The following TRAF3IP3 variants were observed in gnomAD, a reference collection of about 807,000 sequenced individuals.
TRAF3IP3 encodes TRAF3-interacting JNK-activating modulator.
Under a neutral mutation model 86.5 loss-of-function variants are expected in TRAF3IP3, and 64 were observed. That is an observed-to-expected ratio of 0.74 (90% CI 0.60 to 0.91). TRAF3IP3 has a LOEUF of 0.91. Among genes scored for constraint, TRAF3IP3 ranks in the 40% least tolerant of loss-of-function variants. The pLI is 0.00. For synonymous variants in TRAF3IP3, 220 were observed against 243.9 expected (o/e 0.90, Z 0.91); for missense variants, 579 against 642.9 (o/e 0.90, Z 1.07).
intron 15 of TRAF3IP3, chr1:209,781,102 A>G (rs1351395753): frequency 4.0e-6 from 1 of 252,630 alleles, no homozygotes; most frequent in Non-Finnish European, 7.7e-6. Flanking sequence ...GTAAAGTCAT[A>G]TAAAAGAACT....
chr1:209,778,957 T>C (rs1356465161), intron 13 of TRAF3IP3: 1 of 280,208 alleles, frequency 3.6e-6, no homozygotes, highest in Non-Finnish European at 6.8e-6. Flanking sequence ...ATCCCAGGGC[T>C]CTTTCCTTGG....
In TRAF3IP3 at chr1:209,777,415, C is replaced by G. The variant is rs669694; in HGVS notation, c.1117C>G (p.Gln373Glu). The G allele has an allele frequency of 0.8, 1,282,933 of 1,613,380 alleles. 510,605 individuals carry two copies. Among genetic ancestry groups the G allele is most frequent in the African/African-American group, 0.87 (65,058 of 74,968 alleles). The change falls in exon 12 of 17, where the codon CAA (glutamine) becomes GAA (glutamate). Residue 373 changes from glutamine (Q) to glutamate (E), a missense_variant. Transcript: ENST00000367025. The part of the protein sequence containing the change: ...ALRFLENEHQ[Q>E]LQAKIECLQG... ...GCGATTTTTGGAAAATGAGCACCAG[C>G]AACTGCAGGCCAAGATTGAATGCCT... is the stretch of plus-strand genomic sequence containing the variant.
In TRAF3IP3 at chr1:209,763,492, G is replaced by T. The variant is rs897226481; in HGVS notation, c.607G>T (p.Glu203Ter). ...EIIQLSDYLKEALQRELVLKQ... is the reference protein window; with the variant it reads ...EIIQLSDYLK ...TTGCACTTTGTGCCCGCACCCCCAG[G>T]AGGCCCTACAAAGGGAGCTGGTCCT... The change falls in exon 8 of 17, where the codon GAG becomes TAG. Residue 203 changes from glutamate (E) to a stop codon, truncating the protein, a stop_gained and splice_region_variant. Coordinates refer to ENST00000367025, the MANE Select transcript of TRAF3IP3 (RefSeq NM_025228.4). LOFTEE classifies it high-confidence loss of function. 1 of 1,614,160 alleles carries T rather than the reference G, an allele frequency of 6.2e-7. No individual in the cohort carries two copies. Among genetic ancestry groups the T allele is most frequent in the African/African-American group, 1.3e-5 (1 of 75,026 alleles).
intron 8 of TRAF3IP3, among the ~76,000 whole-genome samples, chr1:209,765,214 GGAGAGAGAGAGA>G (rs71143894): frequency 4.7e-5 from 2 of 42,304 alleles, no homozygotes; most frequent in African/African-American, 1.1e-4. Context: ...AGAGAGAGAG[GGAGAGAGAGAGA>G]GAGGAAGGAA....
At chr1:209,766,868 A>G (rs1313525625) in intron 8 of TRAF3IP3, among the ~76,000 whole-genome samples, 1 of 152,236 alleles carries the variant, frequency 6.6e-6, no homozygotes, top group Non-Finnish European at 1.5e-5. Flanking sequence ...TGTCTCAAAA[A>G]ATAAAAATAA....
At chr1:209,781,292 G>A (rs2077773316) in intron 15 of TRAF3IP3, 53 bp from the exon 16 acceptor site, 7 of 1,266,680 alleles carry the variant, frequency 5.5e-6, no homozygotes, top group South Asian at 1.2e-5. Context: ...CCCCTGCCTG[G>A]GCTCTGTCCT....
Position 209,765,227 on chromosome 1 carries a change from G to GAGGAAGGA in TRAF3IP3, c.702+1695_702+1702dup, listed in dbSNP as rs60018350. ...AGAGAGAGAGAGGGAGAGAGAGAGA[G>GAGGAAGGA]AGGAAGGAAGGAAGGAAGGAAGGAA... On this transcript the variant is annotated intron_variant, in intron 8 of 16. Coordinates refer to ENST00000367025, the MANE Select transcript of TRAF3IP3 (RefSeq NM_025228.4). Among the ~76,000 whole-genome samples, 547 of 57,626 alleles carry GAGGAAGGA rather than the reference G, an allele frequency of 9.5e-3. 12 individuals carry two copies. Among genetic ancestry groups the GAGGAAGGA allele is most frequent in the Admixed American group, 0.034 (164 of 4,756 alleles). 37.8% of individuals were successfully genotyped at this position (57,626 alleles called of 152,430 possible).
At chr1:209,767,722 G>T (rs1358315167) in intron 8 of TRAF3IP3, among the ~76,000 whole-genome samples, 1 of 151,760 alleles carries the variant, frequency 6.6e-6, no homozygotes, top group Non-Finnish European at 1.5e-5. Context: ...CTAACTTGTA[G>T]CAATAAGAAC....
rs1268806677 is a variant in TRAF3IP3, at chr1:209,774,073, T to C, written c.774+1054T>C. The stretch of plus-strand genomic sequence containing the variant: ...CATATTGATCCCTAAATTGTTGTCA[T>C]CTGGTCTACTGCTTACACAGTAGGT... On this transcript the variant is annotated intron_variant, in intron 9 of 16. Transcript: ENST00000367025. 4.0e-5 allele frequency among the ~76,000 whole-genome samples: 6 copies of C among 149,976 alleles called. No individual in the cohort carries two copies. In the East Asian group the frequency reaches 1.2e-3, roughly 29 times the overall value.
At chr1:209,763,216 G>A in intron 6 of TRAF3IP3, 124 bp downstream of exon 6, 1 of 1,380,118 alleles carries the variant, frequency 7.2e-7, no homozygotes, top group Non-Finnish European at 1.0e-6. Flanking sequence ...AGGGGGTACT[G>A]AGCATAGACA....
chr1:209,778,174 G>A lies in TRAF3IP3; in HGVS notation c.1252+1G>A. The A allele has an allele frequency of 1.2e-6, 2 of 1,613,914 alleles. No homozygotes were observed. The highest frequency in any genetic ancestry group is 1.7e-6 in the Non-Finnish European group (2 of 1,179,842). ...GTGACCAGAGTACAGCAGTTGCAGG[G>A]TAAGTTCGCTTTCCAGATTCTGAAA... On this transcript the variant is annotated splice_donor_variant, in intron 13 of 16. Coordinates refer to ENST00000367025, the MANE Select transcript of TRAF3IP3 (RefSeq NM_025228.4). LOFTEE classifies it high-confidence loss of function.
intron 8 of TRAF3IP3, among the ~76,000 whole-genome samples, chr1:209,770,294 C>A (rs994422667): frequency 6.6e-6 from 1 of 152,096 alleles, no homozygotes; most frequent in African/African-American, 2.4e-5. Flanking sequence ...CTAGTATGTA[C>A]GTGTGCATGT....
chr1:209,758,083 G>T (rs1490855977), intron 1 of TRAF3IP3, among the ~76,000 whole-genome samples: 1 of 152,160 alleles, frequency 6.6e-6, no homozygotes, highest in Non-Finnish European at 1.5e-5. Context: ...GTAGGTTCTA[G>T]ACATGGAGTT....
chr1:209,771,030 G>A (rs1433627278), intron 8 of TRAF3IP3, among the ~76,000 whole-genome samples: 1 of 143,372 alleles, frequency 7.0e-6, no homozygotes, highest in Non-Finnish European at 1.5e-5. Context: ...ATGTGTGTGT[G>A]TGCTCAGGTG....
chr1:209,779,395 A>G (rs1424132327), intron 14 of TRAF3IP3, 21 bp downstream of exon 14: 1 of 1,604,170 alleles, frequency 6.2e-7, no homozygotes, highest in South Asian at 1.1e-5. Flanking sequence ...TTATTACCAC[A>G]AATTCTAAGA....
intron 8 of TRAF3IP3, among the ~76,000 whole-genome samples, chr1:209,771,063 GGTGTGTGTGCAGGTGGAGGT>G (rs1169160600): frequency 3.6e-5 from 4 of 112,426 alleles, no homozygotes; most frequent in African/African-American, 1.5e-4. Context: ...TGCATGTGGA[GGTGTGTGTGCAGGTGGAGGT>G]GTGTGTGTGC....
chr1:209,779,401 T>G, intron 14 of TRAF3IP3, 27 bp downstream of exon 14: 1 of 1,596,948 alleles, frequency 6.3e-7, no homozygotes, highest in African/African-American at 1.3e-5. Context: ...CCACAAATTC[T>G]AAGATATTGC....
At chr1:209,759,950 C>T (rs2077216429) in intron 2 of TRAF3IP3, 32 bp from the exon 3 acceptor site, 5 of 1,096,646 alleles carry the variant, frequency 4.6e-6, no homozygotes. Flanking sequence ...CTTCTGACCC[C>T]TCCCCTTCTC....
intron 8 of TRAF3IP3, among the ~76,000 whole-genome samples, chr1:209,769,191 G>A (rs1201434947): frequency 1.3e-5 from 2 of 152,120 alleles, no homozygotes; most frequent in Non-Finnish European, 2.9e-5. Flanking sequence ...AAATTTGGTA[G>A]GTTTGATTGC....
Sources: allele counts gnomAD v4.1 joint callset (sites outside exome capture counted in the v4.1 genomes callset), GRCh38; gene constraint gnomAD v4.1.1; transcripts MANE v1.5; gene names NCBI Gene and HGNC (gene_info 2026-07-23, HGNC 2026-07-21).